Variants in CTSH observed in about 807,000 individuals in gnomAD.
CTSH encodes pro-cathepsin H.
In CTSH, 52 loss-of-function variants were observed where a neutral mutation model predicts 56.3. The ratio of observed to expected loss-of-function variants is 0.92; its 90% CI spans 0.74 to 1.16. CTSH has a LOEUF of 1.16. Among genes scored for constraint, CTSH ranks in the 50% most tolerant of loss-of-function variants. The pLI, the probability that CTSH is intolerant of heterozygous loss-of-function variation, is 0.00. For missense variants in CTSH, 406 were observed against 424.5 expected (o/e 0.96, Z 0.38); for synonymous variants, 174 against 155.7 (o/e 1.12, Z -0.88).
intron 5 of CTSH, chr15:78,933,593 T>C (rs1471997016): frequency 1.1e-5 from 5 of 451,956 alleles, no homozygotes; most frequent in Middle Eastern, 3.3e-4. Flanking sequence ...AGAGGGTCCA[T>C]GAGACAGTCA....
At chr15:78,927,874 G>T in intron 8 of CTSH, 93 bp from the exon 9 acceptor site, 1 of 992,484 alleles carries the variant, frequency 1.0e-6, no homozygotes, top group Non-Finnish European at 1.6e-6. Context: ...AACAAAACAA[G>T]ATGTGCCAGG....
chr15:78,925,313 G>T, intron 10 of CTSH, 21 bp downstream of exon 10: 1 of 1,511,134 alleles, frequency 6.6e-7, no homozygotes, highest in Non-Finnish European at 9.2e-7. Context: ...GTCCCTCCTG[G>T]CTCCTGGGAC....
chr15:78,939,019 G>C lies in CTSH; in HGVS notation c.123+121C>G. ...GTTTGGCCAGTTCAACTTCTGGAAA[G>C]ACCCCACTAGGCAAAGTTGGAAATT... On this transcript the variant is annotated intron_variant, in intron 2 of 11. Transcript: ENST00000220166. 3 of 867,282 alleles carry C rather than the reference G, an allele frequency of 3.5e-6. No individual in the cohort carries two copies. In the South Asian group the frequency reaches 4.6e-5, roughly 13 times the overall value. The allele number at this position is 867,282 out of a possible 1,614,324, so 53.7% of individuals were successfully genotyped here. A position where few individuals can be genotyped will look rare whatever the true frequency, so the allele number is the denominator to read the frequency against.
At chr15:78,925,164 G>T (rs369854337) in intron 10 of CTSH, among the ~76,000 whole-genome samples, 170 bp downstream of exon 10, 1 of 152,196 alleles carries the variant, frequency 6.6e-6, no homozygotes, top group Non-Finnish European at 1.5e-5. Flanking sequence ...CCTTGGGGCT[G>T]TGTGAGGATT....
At position 78,934,963 on chromosome 15, in the gene CTSH, G is replaced by C. The variant is rs1303430509; in HGVS notation, c.405+15C>G. On this transcript the variant is annotated intron_variant, in intron 5 of 11. Coordinates refer to ENST00000220166, the MANE Select transcript of CTSH (RefSeq NM_004390.5). ...GGCCGTTTTGCAGGGAGAGGATGGA[G>C]ATTGCCAGGCATACCTGATTTTTCA... The C allele has an allele frequency of 6.4e-7, 1 of 1,565,428 alleles. No homozygotes were observed. Among genetic ancestry groups the C allele is most frequent in the Non-Finnish European group, 8.8e-7 (1 of 1,135,714 alleles).
intron 7 of CTSH, among the ~76,000 whole-genome samples, chr15:78,930,560 A>G (rs1350947722): frequency 1.3e-5 from 2 of 151,756 alleles, no homozygotes; most frequent in Non-Finnish European, 2.9e-5. Context: ...AAATAAATAA[A>G]TAAATAAATA....
intron 9 of CTSH, chr15:78,927,286 CT>C: frequency 4.5e-6 from 1 of 223,476 alleles, no homozygotes; most frequent in Non-Finnish European, 8.9e-6. Context: ...GCCACACACC[CT>C]TTGACTGTTG....
At chr15:78,942,215 CTTTTTTTTTT>C (rs35548397) in intron 1 of CTSH, among the ~76,000 whole-genome samples, 3 of 110,352 alleles carry the variant, frequency 2.7e-5, no homozygotes, top group East Asian at 3.4e-4. Context: ...TTCTTTCCTT[CTTTTTTTTTT>C]TTTTTTTTGA....
intron 5 of CTSH, chr15:78,933,544 A>C (rs1322330410): frequency 2.2e-6 from 1 of 455,124 alleles, no homozygotes; most frequent in Non-Finnish European, 4.4e-6. Flanking sequence ...TTCCCTTCAC[A>C]TATCTCTCTC....
At chr15:78,928,501 G>C (rs1198059824) in intron 8 of CTSH, among the ~76,000 whole-genome samples, 1 of 149,028 alleles carries the variant, frequency 6.7e-6, no homozygotes, top group Non-Finnish European at 1.5e-5. Context: ...GGAGGCGGAG[G>C]TTGCAGTGAG....
At chr15:78,933,420 G>C in intron 5 of CTSH, 2 of 364,654 alleles carry the variant, frequency 5.5e-6, no homozygotes, top group Middle Eastern at 3.8e-4. Flanking sequence ...GTTCATCTCT[G>C]TTTCCTCACC....
At chr15:78,941,297 C>T (rs188137092) in intron 1 of CTSH, among the ~76,000 whole-genome samples, 64 of 151,326 alleles carry the variant, frequency 4.2e-4, no homozygotes, top group African/African-American at 1.5e-3. Context: ...TGGTGGCATG[C>T]ACCTGTAGTC....
Position 78,923,107 on chromosome 15 carries a change from T to C in CTSH, c.818A>G (p.His273Arg). The C allele has an allele frequency of 6.2e-7, 1 of 1,612,802 alleles. No homozygotes were observed. The highest frequency in any genetic ancestry group is 1.3e-5 in the African/African-American group (1 of 74,966). The change falls in exon 11 of 12, where the codon CAT becomes CGT. Residue 273 changes from histidine (H) to arginine (R), a missense_variant. Coordinates refer to ENST00000220166, the MANE Select transcript of CTSH (RefSeq NM_004390.5). ...ATGGTTTACTTTATCTGGAGTTTTA[T>C]GGCAGGAAGTACTGGAAAACAAAAT... Reference protein sequence around the residue: ...RTGIYSSTSCHKTPDKVNHAV... With the variant: ...RTGIYSSTSCRKTPDKVNHAV...
At chr15:78,922,302 G>A (rs2054787858) in intron 11 of CTSH, 97 bp from the exon 12 acceptor site, 1 of 920,038 alleles carries the variant, frequency 1.1e-6, no homozygotes, top group Non-Finnish European at 1.7e-6. Flanking sequence ...CTTCAGGGGT[G>A]AGACCCTCTA....
Position 78,927,884 on chromosome 15 carries a change from G to A in CTSH, c.631-103C>T, listed in dbSNP as rs976028895. ...TACTAAACAAAACAAGATGTGCCAG[G>A]GCCTGGGGGATGGGATAATTTCAGA... On this transcript the variant is annotated intron_variant, in intron 8 of 11. Coordinates refer to ENST00000220166, the MANE Select transcript of CTSH (RefSeq NM_004390.5). 4.2e-5 allele frequency: 38 copies of A among 905,060 alleles called. No individual in the cohort carries two copies. The South Asian group carries it at 5.2e-4, about 12-fold the overall frequency. 56.1% of individuals were successfully genotyped at this position (905,060 alleles called of 1,614,324 possible).
At chr15:78,935,265 T>G (rs1350707113) in intron 4 of CTSH, among the ~76,000 whole-genome samples, 183 bp from the exon 5 acceptor site, 1 of 152,020 alleles carries the variant, frequency 6.6e-6, no homozygotes, top group African/African-American at 2.4e-5. Flanking sequence ...CCCTTGAGAG[T>G]CCAGAGCATT....
chr15:78,940,976 A>T (rs28872869), intron 1 of CTSH, among the ~76,000 whole-genome samples: 4 of 152,068 alleles, frequency 2.6e-5, no homozygotes, highest in Non-Finnish European at 4.4e-5. Context: ...AGAAAACAAA[A>T]CAAAAAAGAG....
intron 10 of CTSH, among the ~76,000 whole-genome samples, chr15:78,924,802 G>A (rs74684688): frequency 0.03 from 4,444 of 150,220 alleles, 240 homozygotes; most frequent in African/African-American, 0.1. Flanking sequence ...CCATTCTTGT[G>A]TCTCAGCCTC....
chr15:78,931,801 A>G (rs2055067064), intron 6 of CTSH: 5 of 1,347,792 alleles, frequency 3.7e-6, no homozygotes, highest in Middle Eastern at 2.9e-4. Context: ...CATACGATGC[A>G]GAGTGTGGGG....
Sources: allele counts gnomAD v4.1 joint callset (sites outside exome capture counted in the v4.1 genomes callset), GRCh38; gene constraint gnomAD v4.1.1; transcripts MANE v1.5; gene names NCBI Gene and HGNC (gene_info 2026-07-23, HGNC 2026-07-21).